The following RANBP17 variants were observed in gnomAD, a reference collection of about 807,000 sequenced individuals.
The protein encoded by RANBP17 is RAN binding protein 17.
Under a neutral mutation model 141.2 loss-of-function variants are expected in RANBP17, and 158 were observed. The observed-to-expected ratio is 1.12, with a 90% CI of 0.98 to 1.28. RANBP17 has a LOEUF of 1.28. RANBP17 is among the 50% of genes most tolerant of loss of function. The pLI, the probability that RANBP17 is intolerant of heterozygous loss-of-function variation, is 0.00. For synonymous variants in RANBP17, 430 were observed against 450.0 expected (o/e 0.96, Z 0.56); for missense variants, 1,438 against 1,290.7 (o/e 1.11, Z -1.75).
chr5:170,930,403 AT>A (rs1225577279), intron 12 of RANBP17, among the ~76,000 whole-genome samples: 2 of 149,632 alleles, frequency 1.3e-5, no homozygotes, highest in African/African-American at 2.5e-5. Context: ...ATTATTTTTT[AT>A]TTTATTTATT....
intron 24 of RANBP17, among the ~76,000 whole-genome samples, chr5:171,255,553 AT>A (rs1765828693): frequency 6.6e-6 from 1 of 152,136 alleles, no homozygotes; most frequent in Non-Finnish European, 1.5e-5. Flanking sequence ...TCATAGTATG[AT>A]TTGTAAGGGG....
intron 14 of RANBP17, among the ~76,000 whole-genome samples, chr5:171,137,759 A>G (rs1462468318): frequency 6.6e-6 from 1 of 152,042 alleles, no homozygotes; most frequent in African/African-American, 2.4e-5. Flanking sequence ...ATCTGCTTTC[A>G]TGAATTTTTA....
intron 14 of RANBP17, among the ~76,000 whole-genome samples, chr5:171,131,827 A>T (rs1756942296): frequency 6.6e-6 from 1 of 152,154 alleles, no homozygotes; most frequent in South Asian, 2.1e-4. Flanking sequence ...ATGATGGTAT[A>T]ACTATTTTGT....
intron 14 of RANBP17, among the ~76,000 whole-genome samples, chr5:171,089,830 G>C (rs767745357): frequency 1.3e-5 from 2 of 152,296 alleles, no homozygotes; most frequent in East Asian, 3.9e-4. Flanking sequence ...CGCACGGTGC[G>C]TGCACCCACT....
At chr5:171,202,543 A>G (rs1344297332) in intron 19 of RANBP17, among the ~76,000 whole-genome samples, 1 of 152,222 alleles carries the variant, frequency 6.6e-6, no homozygotes, top group Non-Finnish European at 1.5e-5. Flanking sequence ...TAAGTGCCAA[A>G]TGTTGCAAAC....
chr5:170,889,705 A>G (rs1454187115), intron 3 of RANBP17, among the ~76,000 whole-genome samples: 1 of 152,142 alleles, frequency 6.6e-6, no homozygotes, highest in African/African-American at 2.4e-5. Context: ...AAGGACCTCT[A>G]GTGTGTAGCT....
chr5:170,914,514 AT>A (rs1771790991), intron 8 of RANBP17, among the ~76,000 whole-genome samples: 1 of 151,962 alleles, frequency 6.6e-6, no homozygotes, highest in African/African-American at 2.4e-5. Flanking sequence ...CTAAATACAT[AT>A]TTTTTTCCTA....
rs548335286 is a variant in RANBP17, at chr5:170,919,566, G to A, written c.1227G>A (p.Thr409=). The change falls in exon 11 of 28, where the codon ACG becomes ACA. Residue 409 remains threonine, a synonymous_variant. Coordinates refer to ENST00000523189, the MANE Select transcript of RANBP17 (RefSeq NM_022897.5). Reference sequence around the variant, plus strand: ...TAGACACTTATGCACCAGAAATCACGAAGGCCTTTATCACTTCTCGGTTGG... The same window carrying A: ...TAGACACTTATGCACCAGAAATCACAAAGGCCTTTATCACTTCTCGGTTGG... ...HLLDTYAPEI[T]KAFITSRLDS... is the part of the protein sequence containing the mutation. 20 of 1,610,630 alleles carry A rather than the reference G, an allele frequency of 1.2e-5. No homozygotes were observed. The highest frequency in any genetic ancestry group is 2.2e-5 in the East Asian group (1 of 44,736).
At position 170,916,445 on chromosome 5, in the gene RANBP17, A is replaced by AT; in HGVS notation, c.835-13dup. The AT allele has an allele frequency of 1.3e-6, 2 of 1,509,778 alleles. No individual in the cohort carries two copies. The highest frequency in any genetic ancestry group is 1.8e-4 in the Middle Eastern group (1 of 5,422). The allele number at this position is 1,509,778 out of a possible 1,614,324, so 93.5% of individuals were successfully genotyped here. On this transcript the variant is annotated intron_variant, in intron 8 of 27. Coordinates refer to ENST00000523189, the MANE Select transcript of RANBP17 (RefSeq NM_022897.5). ...CAGATACTTTGAAAATTGAAATGAA[A>AT]TTTTTTTGGTATTTTTTAGGCACTT...
intron 25 of RANBP17, among the ~76,000 whole-genome samples, chr5:171,289,657 G>A (rs1037775476): frequency 2.3e-4 from 35 of 152,056 alleles, no homozygotes; most frequent in Admixed American, 2.3e-3. Flanking sequence ...AGTTGCTTGA[G>A]ACCAGGAGTT....
At chr5:171,170,039 T>A in intron 14 of RANBP17, 91 bp from the exon 15 acceptor site, 1 of 609,864 alleles carries the variant, frequency 1.6e-6, no homozygotes, top group Non-Finnish European at 2.8e-6. Flanking sequence ...GATACCACAG[T>A]GCATTAAATC....
At chr5:170,937,408 AG>A (rs1206364636) in intron 12 of RANBP17, among the ~76,000 whole-genome samples, 1 of 152,166 alleles carries the variant, frequency 6.6e-6, no homozygotes, top group Non-Finnish European at 1.5e-5. Context: ...GGCCTGTCCT[AG>A]GCTTTTTCCT....
chr5:171,183,304 C>G lies in RANBP17; in HGVS notation c.1930-18C>G. ...GGTAAAGTGTTAGTAACTTGGATTA[C>G]TCTTTTGCTTTCATTAGAGTGAACA... On this transcript the variant is annotated intron_variant, in intron 17 of 27. Coordinates refer to ENST00000523189, the MANE Select transcript of RANBP17 (RefSeq NM_022897.5). The G allele has an allele frequency of 6.2e-7, 1 of 1,600,876 alleles. No homozygotes were observed. Among genetic ancestry groups the G allele is most frequent in the South Asian group, 1.1e-5 (1 of 90,740 alleles).
intron 3 of RANBP17, among the ~76,000 whole-genome samples, chr5:170,884,533 T>C (rs116736734): frequency 0.016 from 2,398 of 152,062 alleles, 62 homozygotes; most frequent in African/African-American, 0.055. Context: ...ATCCTCATCA[T>C]TTTCACATTG....
intron 1 of RANBP17, among the ~76,000 whole-genome samples, chr5:170,874,483 T>A (rs931831934): frequency 6.6e-5 from 10 of 152,330 alleles, no homozygotes; most frequent in Non-Finnish European, 1.2e-4. Context: ...TGTAGGTCTC[T>A]CGGAACTCAT....
At chr5:170,924,093 G>A (rs1386974472) in intron 11 of RANBP17, among the ~76,000 whole-genome samples, 1 of 151,542 alleles carries the variant, frequency 6.6e-6, no homozygotes, top group Non-Finnish European at 1.5e-5. Flanking sequence ...CGCCTCCCAA[G>A]TTCAAGCAAT....
intron 16 of RANBP17, among the ~76,000 whole-genome samples, chr5:171,179,040 G>A (rs1473460569): frequency 2.6e-5 from 4 of 152,136 alleles, no homozygotes; most frequent in Non-Finnish European, 5.9e-5. Flanking sequence ...GATCCCATTT[G>A]TCAATTTTGG....
chr5:171,264,528 T>C (rs1257839889), intron 24 of RANBP17, among the ~76,000 whole-genome samples: 1 of 152,194 alleles, frequency 6.6e-6, no homozygotes, highest in Admixed American at 6.5e-5. Context: ...TAAAACTCAG[T>C]GTCCTCACCT....
intron 25 of RANBP17, among the ~76,000 whole-genome samples, chr5:171,275,328 A>G (rs1290123059): frequency 2.0e-5 from 3 of 152,194 alleles, no homozygotes; most frequent in Admixed American, 1.3e-4. Context: ...TTTAATCATT[A>G]TGGGGATTGT....
Sources: gnomAD v4.1 joint callset for allele counts (sites outside exome capture counted in the v4.1 genomes callset) on GRCh38, gnomAD v4.1.1 for gene constraint, MANE v1.5 for transcripts, NCBI Gene and HGNC (gene_info 2026-07-23, HGNC 2026-07-21) for gene names.